FSTL5: variants seen among roughly 807,000 people sequenced by gnomAD.
FSTL5 encodes follistatin-related protein 5.
In FSTL5, 62 loss-of-function variants were observed where a neutral mutation model predicts 89.1. The observed-to-expected ratio is 0.70, with a 90% CI of 0.57 to 0.86. The LOEUF (loss-of-function observed/expected upper bound fraction) is 0.86. FSTL5 is among the 40% of genes least tolerant of loss of function. The pLI, the probability that FSTL5 is intolerant of heterozygous loss-of-function variation, is 0.00. For synonymous variants in FSTL5, 383 were observed against 346.2 expected (o/e 1.11, Z -1.18); for missense variants, 1,057 against 1,001.6 (o/e 1.06, Z -0.75).
rs1736699363 is a variant in FSTL5 at position 162,009,465 on chromosome 4, T to A, written c.160+24160A>T. ...CAAAAGCACAAAATGAATACAATAATTGTTTCAGTAGGAACCTGCATAATG... is the reference window on the plus strand; with the variant it reads ...CAAAAGCACAAAATGAATACAATAAATGTTTCAGTAGGAACCTGCATAATG... On this transcript the variant is annotated intron_variant, in intron 3 of 15. Coordinates refer to ENST00000306100, the MANE Select transcript of FSTL5 (RefSeq NM_020116.5). 1.3e-5 allele frequency among the ~76,000 whole-genome samples: 2 copies of A among 152,030 alleles called. 1 individual carries two copies. Among genetic ancestry groups the A allele is most frequent in the South Asian group, 4.1e-4 (2 of 4,834 alleles).
chr4:161,535,642 G>A (rs1731582774), intron 10 of FSTL5, among the ~76,000 whole-genome samples: 1 of 152,078 alleles, frequency 6.6e-6, no homozygotes. Context: ...TGGTGGGAGG[G>A]CAAACTTGTT....
At chr4:161,721,308 AT>A (rs368706598) in intron 6 of FSTL5, among the ~76,000 whole-genome samples, 2,145 of 137,488 alleles carry the variant, frequency 0.016, 102 homozygotes, top group South Asian at 0.11. Context: ...AAAAAAAAAA[AT>A]TTTTCTAAGA....
intron 3 of FSTL5, among the ~76,000 whole-genome samples, chr4:161,946,987 C>T (rs1734753739): frequency 6.6e-6 from 1 of 151,962 alleles, no homozygotes; most frequent in African/African-American, 2.4e-5. Flanking sequence ...TATTGAATAC[C>T]TTTAATGTAA....
At chr4:162,090,062 C>A (rs1333003163) in intron 2 of FSTL5, among the ~76,000 whole-genome samples, 5 of 152,042 alleles carry the variant, frequency 3.3e-5, no homozygotes, top group African/African-American at 9.7e-5. Flanking sequence ...AAATCTGGAC[C>A]CCTTCCTTAC....
At chr4:161,597,007 T>C (rs1734037656) in intron 7 of FSTL5, among the ~76,000 whole-genome samples, 1 of 152,128 alleles carries the variant, frequency 6.6e-6, no homozygotes, top group Non-Finnish European at 1.5e-5. Context: ...GGTAGTTTCT[T>C]TTGCTGTGCA....
At chr4:162,056,348 T>C (rs1738541163) in intron 2 of FSTL5, among the ~76,000 whole-genome samples, 1 of 151,980 alleles carries the variant, frequency 6.6e-6, no homozygotes, top group Non-Finnish European at 1.5e-5. Flanking sequence ...CAGTAACCCA[T>C]TTCTAGAGTA....
chr4:161,805,284 G>T (rs1729928971), intron 4 of FSTL5, among the ~76,000 whole-genome samples: 1 of 152,050 alleles, frequency 6.6e-6, no homozygotes, highest in Non-Finnish European at 1.5e-5. Context: ...GAAATAAATA[G>T]TAATTCTTCA....
At chr4:162,002,257 G>T (rs1167068732) in intron 3 of FSTL5, among the ~76,000 whole-genome samples, 3 of 152,152 alleles carry the variant, frequency 2.0e-5, no homozygotes, top group Admixed American at 2.0e-4. Context: ...AAAATTCAGA[G>T]AAAGGGATTT....
At chr4:161,801,753 G>GA (rs1185100790) in intron 4 of FSTL5, among the ~76,000 whole-genome samples, 4 of 151,110 alleles carry the variant, frequency 2.6e-5, no homozygotes, top group African/African-American at 9.7e-5. Flanking sequence ...AGCTTTTTGA[G>GA]AAAATTGTCT....
intron 13 of FSTL5, among the ~76,000 whole-genome samples, chr4:161,477,977 G>A (rs1729353591): frequency 6.6e-6 from 1 of 151,932 alleles, no homozygotes; most frequent in Non-Finnish European, 1.5e-5. Context: ...GCTATTTTTG[G>A]AAGTTAAATA....
intron 6 of FSTL5, among the ~76,000 whole-genome samples, chr4:161,678,388 A>G (rs1198047632): frequency 6.6e-6 from 1 of 151,890 alleles, no homozygotes; most frequent in African/African-American, 2.4e-5. Flanking sequence ...AGACAAAAGA[A>G]GAGTGAAATA....
chr4:162,078,659 C>T (rs774790410), intron 2 of FSTL5, among the ~76,000 whole-genome samples: 35 of 151,750 alleles, frequency 2.3e-4, no homozygotes, highest in Non-Finnish European at 2.1e-4. Flanking sequence ...AGGAGGAATG[C>T]TCCCACTTAA....
chr4:161,515,157 C>T (rs1271341470), intron 10 of FSTL5, among the ~76,000 whole-genome samples: 1 of 151,690 alleles, frequency 6.6e-6, no homozygotes, highest in East Asian at 1.9e-4. Flanking sequence ...TAAAAAAAAC[C>T]TCAAATTTAA....
At chr4:162,080,754 T>G (rs1373339100) in intron 2 of FSTL5, among the ~76,000 whole-genome samples, 2 of 151,636 alleles carry the variant, frequency 1.3e-5, no homozygotes, top group African/African-American at 4.8e-5. Context: ...AATTTGCTCA[T>G]GTGTTCTTTT....
intron 4 of FSTL5, among the ~76,000 whole-genome samples, chr4:161,804,542 CAA>C (rs1313886062): frequency 8.1e-6 from 1 of 123,650 alleles, no homozygotes; most frequent in Admixed American, 8.3e-5. Flanking sequence ...ACTGTTTTTT[CAA>C]AGTTAAAAAA....
At chr4:162,163,178 C>A (rs1451073742) in intron 1 of FSTL5, among the ~76,000 whole-genome samples, 1 of 152,072 alleles carries the variant, frequency 6.6e-6, no homozygotes, top group Non-Finnish European at 1.5e-5. Context: ...GATGATTAAC[C>A]AGAGACTAGT....
intron 15 of FSTL5, among the ~76,000 whole-genome samples, chr4:161,391,115 T>G (rs1438310457): frequency 6.6e-6 from 1 of 152,190 alleles, no homozygotes; most frequent in Non-Finnish European, 1.5e-5. Flanking sequence ...GTGCTGCAAT[T>G]CACATCTAAA....
At chr4:161,630,658 A>G (rs955117594) in intron 7 of FSTL5, among the ~76,000 whole-genome samples, 3 of 152,232 alleles carry the variant, frequency 2.0e-5, no homozygotes, top group Non-Finnish European at 4.4e-5. Context: ...GATGAATAAT[A>G]AATATTATGA....
At chr4:161,626,353 A>G (rs1450324573) in intron 7 of FSTL5, among the ~76,000 whole-genome samples, 1 of 152,162 alleles carries the variant, frequency 6.6e-6, no homozygotes, top group Non-Finnish European at 1.5e-5. Flanking sequence ...CTAAGGCCCT[A>G]AGAATTATTC....
Sources: gnomAD v4.1 joint callset for allele counts (sites outside exome capture counted in the v4.1 genomes callset) on GRCh38, gnomAD v4.1.1 for gene constraint, MANE v1.5 for transcripts, NCBI Gene and HGNC (gene_info 2026-07-23, HGNC 2026-07-21) for gene names.